The following FAM228B variants were observed in gnomAD, a reference collection of about 807,000 sequenced individuals.
FAM228B encodes the protein protein FAM228B.
Under a neutral mutation model 42.6 loss-of-function variants are expected in FAM228B, and 38 were observed. The ratio of observed to expected loss-of-function variants is 0.89; its 90% confidence interval spans 0.69 to 1.17. The LOEUF is 1.17. Ranked by LOEUF, FAM228B falls within the 50% of genes most tolerant of loss-of-function variation. The pLI is 0.00. For synonymous variants in FAM228B, 109 were observed against 122.3 expected, an observed-to-expected ratio of 0.89 and a Z score of 0.72; for missense variants, 344 against 367.3, an observed-to-expected ratio of 0.94 and a Z score of 0.52.
intron 2 of FAM228B, among the ~76,000 whole-genome samples, chr2:24,132,161 T>C (rs1295681520): frequency 6.6e-6 from 1 of 152,248 alleles, no homozygotes; most frequent in East Asian, 1.9e-4. Flanking sequence ...GAACCAGCCT[T>C]GCAACGCAGG....
chr2:24,163,035 T>C (rs900820315), intron 8 of FAM228B, among the ~76,000 whole-genome samples: 1 of 152,176 alleles, frequency 6.6e-6, no homozygotes. Flanking sequence ...CATTGACTTG[T>C]ACACTTAAAA....
intron 7 of FAM228B, among the ~76,000 whole-genome samples, chr2:24,160,189 C>T (rs6714652): frequency 0.56 from 85,440 of 151,766 alleles, 26,013 homozygotes; most frequent in East Asian, 0.74. Flanking sequence ...GAGGTTTCAC[C>T]GTGTTGACCA....
chr2:24,111,417 A>G (rs1665793726), intron 3 of FAM228B, among the ~76,000 whole-genome samples: 1 of 152,100 alleles, frequency 6.6e-6, no homozygotes, highest in Admixed American at 6.5e-5. Flanking sequence ...ATATGTTCAC[A>G]TGTTCAAGTC....
chr2:24,132,328 G>C (rs1666472705), intron 2 of FAM228B, among the ~76,000 whole-genome samples: 1 of 152,128 alleles, frequency 6.6e-6, no homozygotes, highest in Non-Finnish European at 1.5e-5. Flanking sequence ...TTGGTACCAG[G>C]ATGATGGCCT....
rs761247310 is a variant in FAM228B at position 24,084,380 on chromosome 2, G to GCAGGGCAGGA, written c.-210+3429_-210+3430insGCAGGACAGG. Reference sequence around the variant, plus strand: ...GCAGGACAGGACAGGGCAGGGCAGGGCAGGACAGGACAGGGCAGGGCAGGA... The same window carrying GCAGGGCAGGA: ...GCAGGACAGGACAGGGCAGGGCAGGGCAGGGCAGGACAGGACAGGACAGGGCAGGGCAGGA... On this transcript the variant is annotated intron_variant, in intron 2 of 10. Coordinates refer to the FAM228B transcript ENST00000613899. This position sits in a 1 kb window ranked among gnomAD's most constrained non-coding sequence, Gnocchi z 8.4. The GCAGGGCAGGA allele has an allele frequency of 8.9e-7, 1 of 1,129,820 alleles. No homozygotes were observed. The highest frequency in any genetic ancestry group is 1.6e-5 in the African/African-American group (1 of 62,802). 70.0% of individuals were successfully genotyped at this position (1,129,820 alleles called of 1,614,324 possible).
upstream of FAM228B, among the ~76,000 whole-genome samples, chr2:24,120,829 G>C (rs1292236704): frequency 6.6e-6 from 1 of 151,728 alleles, no homozygotes; most frequent in Non-Finnish European, 1.5e-5. Context: ...GAGCCACTGT[G>C]CCTGGCCACT....
At chr2:24,157,476 A>T (rs376846183) in intron 7 of FAM228B, among the ~76,000 whole-genome samples, 3 of 152,016 alleles carry the variant, frequency 2.0e-5, no homozygotes, top group African/African-American at 7.2e-5. Flanking sequence ...GGTGGCTCAC[A>T]TCTATAATCC....
In FAM228B at chr2:24,077,696, G is replaced by T. The variant is rs1383217735; in HGVS notation, c.-290+727G>T. The T allele has an allele frequency of 6.2e-7, 1 of 1,614,086 alleles. No homozygotes were observed. Among genetic ancestry groups the T allele is most frequent in the South Asian group, 1.1e-5 (1 of 91,080 alleles). On this transcript the variant is annotated intron_variant, in intron 1 of 10. Transcript: ENST00000613899. This position sits in a 1 kb window ranked among gnomAD's most constrained non-coding sequence, Gnocchi z 5.5. ...TGTCCAGAACCGGCAGCAGACGTTG[G>T]GGGCCCTCCGTGGAGAAGTGAGGCA...
rs114360142 is a variant in FAM228B, at chr2:24,158,385, G to A, written c.687-3121G>A. 6.3e-3 allele frequency among the ~76,000 whole-genome samples: 953 copies of A among 151,964 alleles called. 7 individuals are homozygous for A. The highest frequency in any genetic ancestry group is 0.019 in the African/African-American group (807 of 41,390). Reference sequence around the variant, plus strand: ...AGTTTGCACCTGTTTACTTGTCTGTGTAATGAATGAATGGATGACCAGTCA... The same window carrying A: ...AGTTTGCACCTGTTTACTTGTCTGTATAATGAATGAATGGATGACCAGTCA... On this transcript the variant is annotated intron_variant, in intron 7 of 10. Transcript: ENST00000615575.
Position 24,084,110 on chromosome 2 carries a change from C to T in FAM228B, c.-210+3155C>T. ...TGTGGAGCGGTGCACGCCTTCACGT[C>T]TGGTCAATGTCCACTGAGTGCTGTT... On this transcript the variant is annotated intron_variant, in intron 2 of 10. Coordinates refer to the FAM228B transcript ENST00000613899. This position sits in a 1 kb window ranked among gnomAD's most constrained non-coding sequence, Gnocchi z 8.4. The T allele has an allele frequency of 6.6e-7, 1 of 1,518,674 alleles. No individual in the cohort carries two copies. Among genetic ancestry groups the T allele is most frequent in the East Asian group, 2.3e-5 (1 of 43,240 alleles). 94.1% of individuals were successfully genotyped at this position (1,518,674 alleles called of 1,614,324 possible).
Position 24,077,407 on chromosome 2 carries a change from C to T in FAM228B, c.-290+438C>T, listed in dbSNP as rs922063697. On this transcript the variant is annotated intron_variant, in intron 1 of 10. Transcript: ENST00000613899. This position sits in a 1 kb window ranked among gnomAD's most constrained non-coding sequence, Gnocchi z 5.5. ...CCGGACTCCCACCTCAACCCCGCCG[C>T]GGCGGCCCCAGTCCGCGTGCCACCC... The T allele has an allele frequency of 5.6e-6, 4 of 715,068 alleles. No individual in the cohort carries two copies. Among genetic ancestry groups the T allele is most frequent in the African/African-American group, 5.3e-5 (3 of 56,294 alleles). 44.3% of individuals were successfully genotyped at this position (715,068 alleles called of 1,614,324 possible). A position where few individuals can be genotyped will look rare whatever the true frequency, so the allele number is the denominator to read the frequency against.
At chr2:24,090,475 C>A (rs1329414434) in intron 2 of FAM228B, among the ~76,000 whole-genome samples, 1 of 148,144 alleles carries the variant, frequency 6.8e-6, no homozygotes, top group Non-Finnish European at 1.5e-5. Flanking sequence ...TCCCAGGTAC[C>A]TGCGAGGCTG....
In FAM228B at chr2:24,084,159, C is replaced by T; in HGVS notation, c.-210+3204C>T. On this transcript the variant is annotated intron_variant, in intron 2 of 10. Transcript: ENST00000613899. The surrounding 1 kb of genome is among the most constrained non-coding windows in gnomAD (Gnocchi z 8.4). ...TTGAGAGGGAGGCTCTGGAGTCCCG[C>T]CCGCCCCGGCGCGGCTGAGCCCTGG... 6.3e-7 allele frequency: 1 copy of T among 1,590,980 alleles called. No individual in the cohort carries two copies. The highest frequency in any genetic ancestry group is 8.5e-7 in the Non-Finnish European group (1 of 1,170,700).
At chr2:24,109,454 T>G (rs1406186122) in intron 3 of FAM228B, among the ~76,000 whole-genome samples, 1 of 152,124 alleles carries the variant, frequency 6.6e-6, no homozygotes, top group Non-Finnish European at 1.5e-5. Context: ...TGGCATGTAA[T>G]TAAATTAAAG....
intron 2 of FAM228B, among the ~76,000 whole-genome samples, chr2:24,089,006 A>C (rs1665324893): frequency 6.6e-6 from 1 of 152,220 alleles, no homozygotes; most frequent in African/African-American, 2.4e-5. Context: ...GTGGTTTCCC[A>C]GATATGGGGA....
chr2:24,101,709 G>A (rs1197142934), intron 3 of FAM228B, among the ~76,000 whole-genome samples: 2 of 151,754 alleles, frequency 1.3e-5, no homozygotes, highest in African/African-American at 4.8e-5. Context: ...TAAAGACGGG[G>A]TCTCGCACTT....
chr2:24,097,260 A>T (rs1317932101), intron 3 of FAM228B: 1 of 152,192 alleles, frequency 6.6e-6, no homozygotes, highest in East Asian at 1.9e-4. Flanking sequence ...GACAGGATCA[A>T]ATTCACACAT....
upstream of FAM228B, among the ~76,000 whole-genome samples, chr2:24,119,237 T>G (rs574924549): frequency 6.6e-6 from 1 of 151,848 alleles, no homozygotes; most frequent in Admixed American, 6.6e-5. Flanking sequence ...CCATATGACC[T>G]GAAACTTGCC....
At chr2:24,132,302 G>GT (rs1387962979) in intron 2 of FAM228B, among the ~76,000 whole-genome samples, 1 of 151,994 alleles carries the variant, frequency 6.6e-6, no homozygotes, top group Admixed American at 6.5e-5. Context: ...TTTTTTTGTT[G>GT]TATCTCTGCC....
Sources: gnomAD v4.1 joint callset for allele counts (sites outside exome capture counted in the v4.1 genomes callset) on GRCh38, gnomAD v4.1.1 for gene constraint, Gnocchi (gnomAD v3.1) non-coding constraint, MANE v1.5 for transcripts, NCBI Gene and HGNC (gene_info 2026-07-23, HGNC 2026-07-21) for gene names.